ULK1: variants seen among roughly 807,000 people sequenced by gnomAD.
The protein encoded by ULK1 is serine/threonine-protein kinase ULK1.
Under a neutral mutation model 117.5 loss-of-function variants are expected in ULK1, and 48 were observed. The ratio of observed to expected loss-of-function variants is 0.41; its 90% CI spans 0.32 to 0.52. ULK1 has a LOEUF of 0.52. ULK1 is among the 20% of genes least tolerant of loss of function. ULK1 has a pLI of 0.29. For missense variants in ULK1, 1,387 were observed against 1,473.4 expected (o/e 0.94, Z 0.96); for synonymous variants, 790 against 637.8 (o/e 1.24, Z -3.60).
At position 131,915,115 on chromosome 12, in the gene ULK1, G is replaced by GC; in HGVS notation, c.1411dup (p.Leu471ProfsTer15). The GC allele has an allele frequency of 6.4e-7, 1 of 1,574,354 alleles. No homozygotes were observed. Among genetic ancestry groups the GC allele is most frequent in the Non-Finnish European group, 8.6e-7 (1 of 1,161,350 alleles). ...GCCATCCGCAGGTCAGGCAGCACCA[G>GC]CCCCCTGGGCTTTGCAAGGGCCAGC... On this transcript the variant is annotated frameshift_variant, in exon 17 of 28. Transcript: ENST00000321867. LOFTEE classifies it high-confidence loss of function.
intron 20 of ULK1, 141 bp from the exon 21 acceptor site, chr12:131,916,812 C>T (rs1245139800): frequency 2.1e-6 from 2 of 975,336 alleles, no homozygotes; most frequent in African/African-American, 3.3e-5. Flanking sequence ...CGCCTGTAAG[C>T]TGGGGTGACA....
intron 14 of ULK1, 45 bp downstream of exon 14, chr12:131,913,303 G>A: frequency 1.3e-6 from 2 of 1,493,704 alleles, no homozygotes; most frequent in African/African-American, 2.9e-5. Context: ...GAGAGAAACT[G>A]TGGCCTTGGA....
chr12:131,922,383 A>G lies in ULK1; in HGVS notation c.*1022A>G. On this transcript the variant is annotated 3_prime_UTR_variant, in exon 28 of 28. Coordinates refer to ENST00000321867, the MANE Select transcript of ULK1 (RefSeq NM_003565.4). ...CAGCACCCTCCCTACCTGGGCCTGG[A>G]AGCAGATGAGGGGAATACTTCATGC... The G allele has an allele frequency of 4.1e-6, 1 of 241,180 alleles. No individual in the cohort carries two copies. Among genetic ancestry groups the G allele is most frequent in the Non-Finnish European group, 8.5e-6 (1 of 117,812 alleles). 14.9% of individuals were successfully genotyped at this position (241,180 alleles called of 1,614,324 possible).
At chr12:131,899,834 T>A (rs541021980) in intron 3 of ULK1, among the ~76,000 whole-genome samples, 1 of 152,282 alleles carries the variant, frequency 6.6e-6, no homozygotes, top group African/African-American at 2.4e-5. Flanking sequence ...TTTTAAAAAC[T>A]GTTGGCTGGG....
chr12:131,920,240 G>C (rs1890092193), intron 26 of ULK1, 104 bp downstream of exon 26: 3 of 1,427,044 alleles, frequency 2.1e-6, no homozygotes, highest in Middle Eastern at 3.7e-4. Context: ...GAGACTTTGG[G>C]GGGTGTCACT....
intron 3 of ULK1, among the ~76,000 whole-genome samples, chr12:131,900,397 C>T (rs1310752175): frequency 6.6e-6 from 1 of 152,176 alleles, no homozygotes; most frequent in Non-Finnish European, 1.5e-5. Flanking sequence ...ATGTGAGTGC[C>T]TGGGAAGTGT....
intron 11 of ULK1, 109 bp from the exon 12 acceptor site, chr12:131,910,603 A>T: frequency 6.2e-7 from 1 of 1,605,882 alleles, no homozygotes; most frequent in Non-Finnish European, 8.5e-7. Flanking sequence ...GTCGGGGTGT[A>T]GCCGGAAGTG....
chr12:131,901,512 C>T (rs375711607), intron 3 of ULK1, among the ~76,000 whole-genome samples: 10 of 152,312 alleles, frequency 6.6e-5, no homozygotes, highest in African/African-American at 1.9e-4. Flanking sequence ...ATCGAGGGCA[C>T]GTCCGTCCTC....
intron 22 of ULK1, 74 bp downstream of exon 22, chr12:131,917,628 T>A: frequency 7.8e-7 from 1 of 1,286,524 alleles, no homozygotes; most frequent in African/African-American, 1.5e-5. Flanking sequence ...GGGCATCCTT[T>A]AACTCGGGTC....
intron 3 of ULK1, among the ~76,000 whole-genome samples, chr12:131,904,334 G>A (rs1889192428): frequency 6.6e-6 from 1 of 152,208 alleles, no homozygotes; most frequent in South Asian, 2.1e-4. Context: ...TTTTTGTAGA[G>A]ATGGGGTTTT....
chr12:131,907,857 A>G (rs1360496504), intron 5 of ULK1, among the ~76,000 whole-genome samples: 1 of 152,004 alleles, frequency 6.6e-6, no homozygotes, highest in African/African-American at 2.4e-5. Flanking sequence ...TGGCCCACCC[A>G]AAGTTGAGCC....
At chr12:131,908,119 G>A (rs1156259244) in intron 5 of ULK1, among the ~76,000 whole-genome samples, 2 of 152,148 alleles carry the variant, frequency 1.3e-5, no homozygotes, top group Admixed American at 6.5e-5. Context: ...CTCAAACGCC[G>A]GCTCAGACCC....
intron 8 of ULK1, 109 bp downstream of exon 8, chr12:131,909,346 G>A (rs1480367292): frequency 3.1e-6 from 4 of 1,275,278 alleles, no homozygotes; most frequent in African/African-American, 1.5e-5. Context: ...AGCTCCCCTC[G>A]GGTCCTGGCT....
intron 23 of ULK1, among the ~76,000 whole-genome samples, chr12:131,918,973 T>TGTGGGGGGTGGGGG (rs1174184159): frequency 3.2e-5 from 1 of 31,230 alleles, no homozygotes; most frequent in Non-Finnish European, 7.0e-5. Context: ...GGGTGCAGGG[T>TGTGGGGGGTGGGGG]GTGTGGGGTG....
At chr12:131,910,102 A>G in intron 10 of ULK1, 101 bp downstream of exon 10, 1 of 1,564,904 alleles carries the variant, frequency 6.4e-7, no homozygotes, top group Non-Finnish European at 8.8e-7. Flanking sequence ...CCCCATGTGC[A>G]CACTGCCCTT....
chr12:131,913,966 C>T (rs1000573644), intron 15 of ULK1, 130 bp downstream of exon 15: 17 of 832,934 alleles, frequency 2.0e-5, no homozygotes, highest in African/African-American at 8.9e-5. Context: ...TCCCAGGCCT[C>T]GCAGGATGGG....
At chr12:131,908,557 C>T (rs954880538) in intron 5 of ULK1, 87 bp from the exon 6 acceptor site, 2 of 1,389,824 alleles carry the variant, frequency 1.4e-6, no homozygotes, top group African/African-American at 1.5e-5. Flanking sequence ...GCTCTCCATC[C>T]GTGTGGCGGG....
chr12:131,921,249 T>TGGGCTGG lies in ULK1; in HGVS notation c.3097+24_3097+30dup, dbSNP rs763812306. 66 of 1,607,800 alleles carry TGGGCTGG rather than the reference T, an allele frequency of 4.1e-5. No homozygotes were observed. Among genetic ancestry groups the TGGGCTGG allele is most frequent in the Middle Eastern group, 1.6e-4 (1 of 6,084 alleles). ...ACGTCACCAAGTGTGAGTGCCCGGC[T>TGGGCTGG]GGGCTGGGGGCTGGGGACTCTGGGC... On this transcript the variant is annotated intron_variant, in intron 27 of 27. Transcript: ENST00000321867.
intron 26 of ULK1, 64 bp from the exon 27 acceptor site, chr12:131,921,036 G>A (rs1890127364): frequency 1.1e-5 from 16 of 1,515,732 alleles, no homozygotes; most frequent in Non-Finnish European, 1.4e-5. Context: ...GTGGGTGCAG[G>A]GCAGCCCTTG....
Sources: gnomAD v4.1 joint callset for allele counts (sites outside exome capture counted in the v4.1 genomes callset) on GRCh38, gnomAD v4.1.1 for gene constraint, MANE v1.5 for transcripts, NCBI Gene and HGNC (gene_info 2026-07-23, HGNC 2026-07-21) for gene names.